Variants in AP1S3 observed in about 807,000 individuals in gnomAD.
AP1S3 encodes adaptor related protein complex 1 subunit sigma 3, also known as AP-1 complex subunit sigma-3.
AP1S3 carries 10 observed loss-of-function variants against 20.9 expected under a neutral mutation model. That is an observed-to-expected ratio of 0.48 (90% CI 0.29 to 0.81). The LOEUF (loss-of-function observed/expected upper bound fraction) is 0.81. Ranked by LOEUF, AP1S3 falls within the 30% of genes least tolerant of loss-of-function variation. The pLI is 0.08. For missense variants in AP1S3, 154 were observed against 183.8 expected, an observed-to-expected ratio of 0.84 and a Z score of 0.94; for synonymous variants, 41 against 61.5, an observed-to-expected ratio of 0.67 and a Z score of 1.56.
chr2:223,794,223 T>G (rs1430337002), intron 1 of AP1S3, among the ~76,000 whole-genome samples: 1 of 152,124 alleles, frequency 6.6e-6, no homozygotes, highest in Non-Finnish European at 1.5e-5. Context: ...CTATTAATAT[T>G]CTGGGTGGAG....
intron 1 of AP1S3, among the ~76,000 whole-genome samples, chr2:223,784,117 A>T (rs1691019700): frequency 6.6e-6 from 1 of 152,156 alleles, no homozygotes; most frequent in Non-Finnish European, 1.5e-5. Flanking sequence ...GGCACCCCTG[A>T]GAAAAATCAA....
chr2:223,806,009 C>T (rs1214903669), intron 1 of AP1S3, among the ~76,000 whole-genome samples: 1 of 152,072 alleles, frequency 6.6e-6, no homozygotes, highest in Non-Finnish European at 1.5e-5. Context: ...AGAAAGAGAA[C>T]TAAAAAGAAC....
At chr2:223,833,241 A>AATAAATACAAACATACATAC (rs112316770) in intron 1 of AP1S3, among the ~76,000 whole-genome samples, 1 of 148,432 alleles carries the variant, frequency 6.7e-6, no homozygotes, top group Non-Finnish European at 1.5e-5. Flanking sequence ...TTAAAGGCAA[A>AATAAATACAAACATACATAC]ATACATACAT....
chr2:223,758,855 A>C, intron 4 of AP1S3, 105 bp from the exon 5 acceptor site: 2 of 968,168 alleles, frequency 2.1e-6, no homozygotes, highest in African/African-American at 1.7e-5. Context: ...TGTTGAAAAC[A>C]AGTTGTCAAA....
intron 1 of AP1S3, among the ~76,000 whole-genome samples, chr2:223,822,888 A>C (rs1303315249): frequency 6.6e-6 from 1 of 152,084 alleles, no homozygotes; most frequent in Non-Finnish European, 1.5e-5. Context: ...ACAACTCAAT[A>C]GCAAAAAAAC....
rs1196153890 is a variant in AP1S3, at chr2:223,758,405, C to A, written c.*310G>T. 2.8e-6 allele frequency: 3 copies of A among 1,077,806 alleles called. No individual in the cohort carries two copies. Among genetic ancestry groups the A allele is most frequent in the African/African-American group, 1.6e-5 (1 of 60,730 alleles). The allele number at this position is 1,077,806 out of a possible 1,614,324, so 66.8% of individuals were successfully genotyped here. A position where few individuals can be genotyped will look rare whatever the true frequency, so the allele number is the denominator to read the frequency against. ...AAAAATTGCAGCTAATGTATCTAAA[C>A]CAGCTTAAAAACATAACATGGAGTT... On this transcript the variant is annotated 3_prime_UTR_variant, in exon 5 of 5. Transcript: ENST00000396654.
chr2:223,770,334 T>A lies in AP1S3; in HGVS notation c.292-4984A>T, dbSNP rs1336124958. 5.2e-6 allele frequency: 8 copies of A among 1,550,184 alleles called. No individual in the cohort carries two copies. In the Admixed American group the frequency reaches 5.9e-5, roughly 11 times the overall value. On this transcript the variant is annotated intron_variant, in intron 3 of 4. Coordinates refer to ENST00000396654, the MANE Select transcript of AP1S3 (RefSeq NM_001039569.2). ...AACCAGCAATTAAACTCCTGCAAAG[T>A]GAACCTGACAGATACTAATGAAAAT... is the stretch of plus-strand genomic sequence containing the variant.
chr2:223,785,272 G>T (rs1188937354), intron 1 of AP1S3, among the ~76,000 whole-genome samples: 1 of 152,152 alleles, frequency 6.6e-6, no homozygotes, highest in African/African-American at 2.4e-5. Flanking sequence ...AACCCAGGAG[G>T]TGGAGGCTGC....
intron 1 of AP1S3, among the ~76,000 whole-genome samples, chr2:223,810,664 G>A (rs552777472): frequency 3.0e-4 from 46 of 152,162 alleles, no homozygotes; most frequent in African/African-American, 1.1e-3. Flanking sequence ...GCCCAGGGAA[G>A]CAGTACTATT....
intron 3 of AP1S3, chr2:223,770,144 A>G: frequency 6.5e-7 from 1 of 1,529,244 alleles, no homozygotes; most frequent in Admixed American, 2.2e-5. Context: ...AAGAAATCAC[A>G]ATAGATTAGA....
chr2:223,802,548 G>A (rs1031738145), intron 1 of AP1S3, among the ~76,000 whole-genome samples: 3 of 151,872 alleles, frequency 2.0e-5, no homozygotes, highest in East Asian at 1.9e-4. Context: ...CAGGTGATCC[G>A]GCCACCTCAG....
chr2:223,769,184 G>A (rs1056971520), intron 3 of AP1S3, among the ~76,000 whole-genome samples: 2 of 152,132 alleles, frequency 1.3e-5, no homozygotes, highest in Admixed American at 6.5e-5. Context: ...TCTAAATGAT[G>A]CTGCCATAAT....
At chr2:223,769,736 ATTTTTTTTTT>A (rs61207667) in intron 3 of AP1S3, among the ~76,000 whole-genome samples, 2 of 80,122 alleles carry the variant, frequency 2.5e-5, no homozygotes, top group Admixed American at 1.8e-4. Flanking sequence ...ATGCAATCCC[ATTTTTTTTTT>A]TTTTTTTTTT....
chr2:223,816,222 C>T (rs185213568), intron 1 of AP1S3, among the ~76,000 whole-genome samples: 66 of 152,238 alleles, frequency 4.3e-4, no homozygotes, highest in African/African-American at 1.6e-3. Context: ...ACTTACCGTA[C>T]TACTTTATCA....
At chr2:223,769,834 C>A (rs12475757) in intron 3 of AP1S3, among the ~76,000 whole-genome samples, 3 of 149,800 alleles carry the variant, frequency 2.0e-5, no homozygotes, top group Non-Finnish European at 4.4e-5. Context: ...GGCTCCGCCC[C>A]CCGGGGTTCA....
At chr2:223,796,024 T>G (rs1441299468) in intron 1 of AP1S3, among the ~76,000 whole-genome samples, 1 of 151,988 alleles carries the variant, frequency 6.6e-6, no homozygotes, top group Non-Finnish European at 1.5e-5. Context: ...AATACAAAAA[T>G]TAGCCAGACG....
intron 1 of AP1S3, among the ~76,000 whole-genome samples, chr2:223,806,828 TAATAG>T (rs1302218118): frequency 6.6e-6 from 1 of 152,316 alleles, no homozygotes; most frequent in Non-Finnish European, 1.5e-5. Context: ...AGAAGAAAAT[TAATAG>T]AATAAACAAC....
intron 1 of AP1S3, among the ~76,000 whole-genome samples, chr2:223,784,048 T>C (rs1418615388): frequency 9.9e-6 from 1 of 100,628 alleles, no homozygotes. Context: ...ACTCTGCAAA[T>C]TCCCAAACCC....
intron 1 of AP1S3, among the ~76,000 whole-genome samples, chr2:223,803,904 A>T (rs1691523044): frequency 6.6e-6 from 1 of 151,664 alleles, no homozygotes; most frequent in African/African-American, 2.4e-5. Context: ...AAAATAGATG[A>T]GAGTATCAAT....
Sources: gnomAD v4.1 joint callset for allele counts (sites outside exome capture counted in the v4.1 genomes callset) on GRCh38, gnomAD v4.1.1 for gene constraint, MANE v1.5 for transcripts, NCBI Gene and HGNC (gene_info 2026-07-23, HGNC 2026-07-21) for gene names.